AR: variants seen among roughly 807,000 people sequenced by gnomAD.
AR encodes androgen receptor.
AR carries 8 observed loss-of-function variants against 53.9 expected under a neutral mutation model. The observed-to-expected ratio is 0.15, with a 90% CI of 0.09 to 0.27. The LOEUF is 0.27. Ranked by LOEUF, AR falls within the 10% of genes least tolerant of loss-of-function variation. The pLI is 1.00. For synonymous variants in AR, 359 were observed against 316.4 expected (o/e 1.13, Z -1.43); for missense variants, 639 against 742.5 (o/e 0.86, Z 1.62).
chrX:67,620,214 T>C, intron 1 of AR, among the ~76,000 whole-genome samples: 1 of 110,910 alleles, frequency 9.0e-6, no homozygotes, highest in Middle Eastern at 4.7e-3. Flanking sequence ...ATCATCTGTG[T>C]TTTCCCTGCC....
In AR at chrX:67,553,758, G is replaced by A. The variant is rs1044850188; in HGVS notation, c.1616+6996G>A. Among the ~76,000 whole-genome samples the A allele has an allele frequency of 3.6e-5, 4 of 112,243 alleles. No homozygotes were observed. The Admixed American group carries it at 3.8e-4, about 11-fold the overall frequency. ...TTATTGTTTTCAGATTATAAGTTTT[G>A]CAGTTCTTTTTAAAATTTATTCCTA... is the stretch of plus-strand genomic sequence containing the variant. On this transcript the variant is annotated intron_variant, in intron 1 of 7. Transcript: ENST00000374690.
At chrX:67,552,527 G>T (rs1178845872) in intron 1 of AR, among the ~76,000 whole-genome samples, 1 of 112,155 alleles carries the variant, frequency 8.9e-6, no homozygotes, top group East Asian at 2.8e-4. Context: ...CACATATTTT[G>T]GACATTTTCA....
chrX:67,676,357 TTTTG>T (rs1298341470), intron 2 of AR, among the ~76,000 whole-genome samples: 5 of 112,231 alleles, frequency 4.5e-5, no homozygotes, highest in Non-Finnish European at 9.4e-5. Flanking sequence ...TCAAAGTGAA[TTTTG>T]TTTATCACCA....
Position 67,595,164 on chromosome X carries a change from C to G in AR, c.1617-48092C>G, listed in dbSNP as rs187581152. Among the ~76,000 whole-genome samples the G allele has an allele frequency of 9.9e-5, 11 of 111,067 alleles. No homozygotes were observed. In the East Asian group the frequency reaches 2.3e-3, roughly 23 times the overall value. On this transcript the variant is annotated intron_variant, in intron 1 of 7. Coordinates refer to ENST00000374690, the MANE Select transcript of AR (RefSeq NM_000044.6). ...TGCCTCTCTGAAAACATGCTGAGCA[C>G]GAAGGTTACTTGAAGTCTTAGCTTG...
intron 1 of AR, among the ~76,000 whole-genome samples, chrX:67,637,292 G>A (rs1231013814): frequency 5.9e-5 from 6 of 102,186 alleles, no homozygotes; most frequent in Non-Finnish European, 7.9e-5. Context: ...TCGTCATTTA[G>A]CATTAGGTAT....
At chrX:67,577,000 CTCTCTTTTTT>C (rs1288916034) in intron 1 of AR, among the ~76,000 whole-genome samples, 2 of 103,540 alleles carry the variant, frequency 1.9e-5, no homozygotes, top group African/African-American at 7.3e-5. Flanking sequence ...CTCTCTCTCT[CTCTCTTTTTT>C]TTTTTTTTTT....
At chrX:67,693,889 T>G (rs982264907) in intron 3 of AR, among the ~76,000 whole-genome samples, 1 of 112,082 alleles carries the variant, frequency 8.9e-6, no homozygotes, top group African/African-American at 3.2e-5. Context: ...AATGCCCCTG[T>G]GGTTGAAGTA....
chrX:67,718,472 T>C (rs2076122445), intron 5 of AR, among the ~76,000 whole-genome samples: 1 of 111,826 alleles, frequency 8.9e-6, no homozygotes, highest in Admixed American at 9.5e-5. Context: ...CCTTTAACTT[T>C]TCCGACCCTC....
chrX:67,716,257 A>G (rs963964176), intron 4 of AR, among the ~76,000 whole-genome samples: 2 of 112,054 alleles, frequency 1.8e-5, no homozygotes, highest in African/African-American at 6.5e-5. Flanking sequence ...CATAGACTTC[A>G]ATGCTGTGTA....
At chrX:67,629,033 G>T (rs377451515) in intron 1 of AR, among the ~76,000 whole-genome samples, 1 of 111,488 alleles carries the variant, frequency 9.0e-6, no homozygotes, top group Non-Finnish European at 1.9e-5. Flanking sequence ...GCTGGATTCC[G>T]TTTGCCAGTA....
chrX:67,558,737 G>A (rs186131912), intron 1 of AR, among the ~76,000 whole-genome samples: 2 of 112,212 alleles, frequency 1.8e-5, no homozygotes, highest in Admixed American at 1.9e-4. Context: ...ACAAACCTGG[G>A]CAATTCAATG....
At chrX:67,637,045 A>C (rs183840057) in intron 1 of AR, among the ~76,000 whole-genome samples, 1 of 111,935 alleles carries the variant, frequency 8.9e-6, no homozygotes, top group East Asian at 2.8e-4. Flanking sequence ...GCTTGAAAAA[A>C]TTTTAACTGT....
chrX:67,665,385 C>A (rs1298753192), intron 2 of AR, among the ~76,000 whole-genome samples: 3 of 112,291 alleles, frequency 2.7e-5, no homozygotes. Context: ...CATCAAAATG[C>A]CCATTAGTAA....
At chrX:67,608,508 C>T (rs754692200) in intron 1 of AR, among the ~76,000 whole-genome samples, 9 of 111,460 alleles carry the variant, frequency 8.1e-5, no homozygotes, top group African/African-American at 2.6e-4. Context: ...TCTCTTTGCT[C>T]CTGACAAGGA....
intron 2 of AR, among the ~76,000 whole-genome samples, chrX:67,681,799 G>A (rs984970742): frequency 5.3e-5 from 6 of 112,213 alleles, no homozygotes; most frequent in Non-Finnish European, 9.4e-5. Flanking sequence ...AGGAATGGAT[G>A]TGATACAACC....
chrX:67,629,604 A>AT (rs1924943871), intron 1 of AR, among the ~76,000 whole-genome samples: 1 of 110,020 alleles, frequency 9.1e-6, no homozygotes, highest in Admixed American at 9.7e-5. Context: ...GGATTCATTA[A>AT]TTTTTTGAAG....
intron 1 of AR, among the ~76,000 whole-genome samples, chrX:67,634,072 A>G (rs1199689027): frequency 1.8e-5 from 2 of 111,454 alleles, no homozygotes; most frequent in Non-Finnish European, 3.8e-5. Context: ...ACCTAATTAA[A>G]TTAAAACCAA....
intron 1 of AR, among the ~76,000 whole-genome samples, chrX:67,584,094 T>C (rs1922414445): frequency 8.9e-6 from 1 of 112,192 alleles, no homozygotes; most frequent in African/African-American, 3.2e-5. Context: ...TTGCTGGATG[T>C]TCATTAACTC....
chrX:67,691,621 G>T (rs902699394), intron 3 of AR, among the ~76,000 whole-genome samples: 3 of 111,490 alleles, frequency 2.7e-5, no homozygotes, highest in Non-Finnish European at 3.8e-5. Flanking sequence ...GAAAACATGG[G>T]TATAGACAAA....
Sources: allele counts gnomAD v4.1 joint callset (sites outside exome capture counted in the v4.1 genomes callset), GRCh38; gene constraint gnomAD v4.1.1; transcripts MANE v1.5; gene names NCBI Gene and HGNC (gene_info 2026-07-23, HGNC 2026-07-21).